Variants in GALNT14 observed in about 807,000 individuals in gnomAD.
GALNT14 encodes the protein polypeptide N-acetylgalactosaminyltransferase 14, also known as UDP-GalNAc:polypeptide N-acetylgalactosaminyltransferase 14.
GALNT14 carries 60 observed loss-of-function variants against 77.5 expected under a neutral mutation model. That is an observed-to-expected ratio of 0.77 (90% CI 0.63 to 0.96). The LOEUF is 0.96. Ranked by LOEUF, GALNT14 falls within the 40% of genes least tolerant of loss-of-function variation. The probability of loss-of-function intolerance (pLI) is 0.00; values close to 1 mark genes in which losing one functional copy is unlikely to be tolerated. For missense variants in GALNT14, 710 were observed against 731.0 expected, an observed-to-expected ratio of 0.97 and a Z score of 0.33; for synonymous variants, 280 against 281.7, an observed-to-expected ratio of 0.99 and a Z score of 0.06.
Position 30,992,860 on chromosome 2 carries a change from T to C in GALNT14, c.277A>G (p.Ile93Val), listed in dbSNP as rs2148404557. 1 of 1,614,094 alleles carries C rather than the reference T, an allele frequency of 6.2e-7. No homozygotes were observed. The highest frequency in any genetic ancestry group is 1.1e-5 in the South Asian group (1 of 91,074). Residue 93 changes from isoleucine to valine, a missense_variant, in exon 2 of 15, where the codon ATC (isoleucine) becomes GTC (valine). Coordinates refer to ENST00000349752, the MANE Select transcript of GALNT14 (RefSeq NM_024572.4). Reference sequence around the variant, plus strand: ...TACCTCAGATGGCGAGTGTCCGGGATGGCCCGATTGCTGGAGATCCGCTCA... The same window carrying C: ...TACCTCAGATGGCGAGTGTCCGGGACGGCCCGATTGCTGGAGATCCGCTCA... ...ESERISSNRAIPDTRHLRCTL... is the reference protein window; with the variant it reads ...ESERISSNRAVPDTRHLRCTL...
chr2:30,992,763 A>G (rs1669783751), intron 2 of GALNT14, 75 bp downstream of exon 2: 2 of 1,526,266 alleles, frequency 1.3e-6, no homozygotes, highest in South Asian at 1.2e-5. Context: ...TGCTGCATAC[A>G]GCAGGCCCCA....
At chr2:31,080,948 G>C (rs1049659569) in intron 1 of GALNT14, among the ~76,000 whole-genome samples, 1 of 152,212 alleles carries the variant, frequency 6.6e-6, no homozygotes, top group African/African-American at 2.4e-5. Context: ...GGCTGAGCCA[G>C]AAACATGCTC....
chr2:30,937,646 T>C (rs75749447), intron 9 of GALNT14, among the ~76,000 whole-genome samples: 18,037 of 152,248 alleles, frequency 0.12, 1,356 homozygotes, highest in Non-Finnish European at 0.16. Context: ...CTCTTCTGCC[T>C]CCAGCCTGAG....
At chr2:31,106,662 T>C (rs1288385135) in intron 1 of GALNT14, among the ~76,000 whole-genome samples, 1 of 152,250 alleles carries the variant, frequency 6.6e-6, no homozygotes, top group Non-Finnish European at 1.5e-5. Context: ...TTGAGTTCTT[T>C]AAATTCACTG....
intron 1 of GALNT14, among the ~76,000 whole-genome samples, chr2:31,111,843 A>G (rs1335795411): frequency 6.6e-6 from 1 of 151,870 alleles, no homozygotes; most frequent in Non-Finnish European, 1.5e-5. Flanking sequence ...TCCTTTTACT[A>G]CATCTTGTTT....
intron 1 of GALNT14, among the ~76,000 whole-genome samples, chr2:31,073,524 G>A (rs2113491): frequency 0.098 from 14,910 of 151,974 alleles, 1,465 homozygotes; most frequent in East Asian, 0.25. Flanking sequence ...TGCAAGAGAA[G>A]CCTCCTCTAA....
downstream of GALNT14, among the ~76,000 whole-genome samples, chr2:30,907,525 C>T (rs1332269125): frequency 2.6e-5 from 4 of 152,288 alleles, no homozygotes; most frequent in South Asian, 2.1e-4. Context: ...AGTTGAATCT[C>T]GGAATAGACC....
chr2:30,930,119 G>A (rs1665637377), intron 10 of GALNT14, among the ~76,000 whole-genome samples: 1 of 152,196 alleles, frequency 6.6e-6, no homozygotes, highest in Admixed American at 6.5e-5. Flanking sequence ...GGAAAATCAT[G>A]CCAGAAACTG....
At chr2:31,010,074 C>T (rs952367859) in intron 1 of GALNT14, among the ~76,000 whole-genome samples, 1 of 152,252 alleles carries the variant, frequency 6.6e-6, no homozygotes, top group Non-Finnish European at 1.5e-5. Context: ...CAACCTCCGC[C>T]TCCTGAGTTC....
chr2:31,028,089 AAT>A (rs770286634), intron 1 of GALNT14, among the ~76,000 whole-genome samples: 1 of 152,126 alleles, frequency 6.6e-6, no homozygotes, highest in South Asian at 2.1e-4. Flanking sequence ...TATCCCTGTT[AAT>A]GATTCCCATC....
chr2:31,022,428 G>T (rs1671776270), intron 1 of GALNT14, among the ~76,000 whole-genome samples: 1 of 152,170 alleles, frequency 6.6e-6, no homozygotes, highest in Non-Finnish European at 1.5e-5. Flanking sequence ...CCATTATGCA[G>T]GCCTACATTC....
intron 1 of GALNT14, among the ~76,000 whole-genome samples, chr2:31,008,180 G>A (rs1670795084): frequency 6.6e-6 from 1 of 152,074 alleles, no homozygotes; most frequent in African/African-American, 2.4e-5. Context: ...AAACTCCTGG[G>A]CTCAAACAAT....
At chr2:31,069,914 C>T (rs1054957763) in intron 1 of GALNT14, among the ~76,000 whole-genome samples, 2 of 152,136 alleles carry the variant, frequency 1.3e-5, no homozygotes, top group Non-Finnish European at 2.9e-5. Flanking sequence ...CAGTGAGAAG[C>T]AGGCACTGAG....
At chr2:30,946,109 G>A (rs945330928) in intron 6 of GALNT14, among the ~76,000 whole-genome samples, 12 of 152,178 alleles carry the variant, frequency 7.9e-5, no homozygotes, top group South Asian at 4.1e-4. Context: ...CCTCCCTGCC[G>A]CAGTGGCCAT....
downstream of GALNT14, among the ~76,000 whole-genome samples, chr2:30,906,112 A>C (rs1664136383): frequency 2.0e-5 from 3 of 151,372 alleles, no homozygotes; most frequent in South Asian, 6.4e-4. Context: ...AAATCATGCC[A>C]AAATGTAAAG....
chr2:31,025,473 G>A (rs1429945341), intron 1 of GALNT14, among the ~76,000 whole-genome samples: 1 of 152,166 alleles, frequency 6.6e-6, no homozygotes, highest in Non-Finnish European at 1.5e-5. Context: ...GAGGCCACTG[G>A]AATTGTCTAG....
chr2:30,924,882 C>T (rs551068149), intron 11 of GALNT14, 59 bp from the exon 12 acceptor site: 38 of 1,346,782 alleles, frequency 2.8e-5, no homozygotes, highest in Admixed American at 1.8e-4. Context: ...CAGAGGCAGG[C>T]GCCAGCAACG....
intron 1 of GALNT14, among the ~76,000 whole-genome samples, chr2:31,077,223 C>A (rs888957657): frequency 6.6e-6 from 1 of 152,220 alleles, no homozygotes; most frequent in Non-Finnish European, 1.5e-5. Context: ...CCCAAGGTCA[C>A]AGAAGTGAGT....
At position 31,032,101 on chromosome 2, in the gene GALNT14, A is replaced by G. The variant is rs147113530; in HGVS notation, c.130-39094T>C. 4.9e-3 allele frequency among the ~76,000 whole-genome samples: 746 copies of G among 152,344 alleles called. 8 individuals are homozygous for G. The highest frequency in any genetic ancestry group is 0.017 in the African/African-American group (725 of 41,580). On this transcript the variant is annotated intron_variant, in intron 1 of 14. Transcript: ENST00000349752. ...AGGAATACCTAGGCAGCAGACTCTCATGGATACAAAATGGGTCCTTGAGGC... is the reference window on the plus strand; with the variant it reads ...AGGAATACCTAGGCAGCAGACTCTCGTGGATACAAAATGGGTCCTTGAGGC...
Sources: allele counts gnomAD v4.1 joint callset (sites outside exome capture counted in the v4.1 genomes callset), GRCh38; gene constraint gnomAD v4.1.1; transcripts MANE v1.5; gene names NCBI Gene and HGNC (gene_info 2026-07-23, HGNC 2026-07-21).